PPP1R3F: variants seen among roughly 807,000 people sequenced by gnomAD.
PPP1R3F encodes protein phosphatase 1, regulatory (inhibitor) subunit 3F.
In PPP1R3F, 29 loss-of-function variants were observed where a neutral mutation model predicts 24.2. The observed-to-expected ratio is 1.20, with a 90% CI of 0.89 to 1.63. PPP1R3F has a LOEUF of 1.63. Among genes scored for constraint, PPP1R3F ranks in the 40% most tolerant of loss-of-function variants. The pLI, the probability that PPP1R3F is intolerant of heterozygous loss-of-function variation, is 0.00. For synonymous variants in PPP1R3F, 363 were observed against 340.1 expected, an observed-to-expected ratio of 1.07 and a Z score of -0.74; for missense variants, 823 against 729.3, an observed-to-expected ratio of 1.13 and a Z score of -1.48.
chrX:49,271,709 G>A (rs1162071031), intron 1 of PPP1R3F, among the ~76,000 whole-genome samples: 1 of 113,146 alleles, frequency 8.8e-6, no homozygotes, highest in Non-Finnish European at 1.9e-5. Context: ...TGTTAACGCT[G>A]TAATCTACTT....
At chrX:49,276,505 C>G (rs1007252379) in intron 1 of PPP1R3F, among the ~76,000 whole-genome samples, 4 of 112,105 alleles carry the variant, frequency 3.6e-5, no homozygotes. Context: ...TTTCAACAAG[C>G]ATTAAAAAGA....
Position 49,286,547 on chromosome X carries a change from A to G in PPP1R3F, c.1857A>G (p.Pro619=), listed in dbSNP as rs781829759. ...VVATMGDVWL[P]WAEGSGCDGP... ...CCACGATGGGAGATGTGTGGCTCCC[A>G]TGGGCAGAGGGCTCAGGATGTGACG... The change falls in exon 4 of 4, where the codon CCA becomes CCG. Residue 619 remains proline, a synonymous_variant. Transcript: ENST00000055335. The G allele has an allele frequency of 6.6e-6, 8 of 1,211,532 alleles. No homozygotes were observed. The highest frequency in any genetic ancestry group is 1.7e-5 in the African/African-American group (1 of 57,863).
Position 49,270,115 on chromosome X carries a change from C to T in PPP1R3F, c.246C>T (p.Asp82=). The T allele has an allele frequency of 7.7e-6, 8 of 1,033,973 alleles. No homozygotes were observed. Among genetic ancestry groups the T allele is most frequent in the Admixed American group, 4.4e-5 (1 of 22,703 alleles). 85.2% of individuals were successfully genotyped at this position (1,033,973 alleles called of 1,213,427 possible). The change falls in exon 1 of 4, where the codon GAC becomes GAT. Residue 82 remains aspartate, a synonymous_variant. Coordinates refer to ENST00000055335, the MANE Select transcript of PPP1R3F (RefSeq NM_033215.5). ...DGGGGGGADE[D]DDGEDGDEGE... ...GCGGCGGCGGCGGGGCCGACGAGGA[C>T]GACGATGGCGAGGATGGGGATGAAG... is the stretch of plus-strand genomic sequence containing the variant.
chrX:49,276,582 C>T (rs2066214489), intron 1 of PPP1R3F, among the ~76,000 whole-genome samples: 1 of 112,592 alleles, frequency 8.9e-6, no homozygotes, highest in Admixed American at 9.3e-5. Flanking sequence ...TTGTTTCACT[C>T]GAAGAACAAC....
rs200780292 is a variant in PPP1R3F, at chrX:49,287,059, C to T, written c.2369C>T (p.Ala790Val). ...LNSGVSLLVL[A>V]LCLSLAWFS is the part of the protein sequence containing the mutation. ...AGCGGTGTGTCCCTCCTGGTGCTTG[C>T]GCTGTGCCTCTCTCTGGCTTGGTTC... is the stretch of plus-strand genomic sequence containing the variant. The change falls in exon 4 of 4, where the codon GCG becomes GTG. Residue 790 changes from alanine to valine, a missense_variant. By Grantham distance (64) the Ala-to-Val change is moderately conservative. Coordinates refer to ENST00000055335, the MANE Select transcript of PPP1R3F (RefSeq NM_033215.5). 22 of 1,209,938 alleles carry T rather than the reference C, an allele frequency of 1.8e-5. No individual in the cohort carries two copies. The highest frequency in any genetic ancestry group is 1.5e-4 in the East Asian group (5 of 33,794).
intron 1 of PPP1R3F, chrX:49,275,913 A>G (rs2066209870): frequency 8.9e-6 from 1 of 112,447 alleles, no homozygotes; most frequent in Admixed American, 9.4e-5. Context: ...CTATAACTGA[A>G]GGGATGGGGA....
At chrX:49,284,194 T>C (rs1197788626) in intron 3 of PPP1R3F, among the ~76,000 whole-genome samples, 1 of 111,682 alleles carries the variant, frequency 9.0e-6, no homozygotes, top group Non-Finnish European at 1.9e-5. Flanking sequence ...TAGGAGCTTA[T>C]TGAGATGGGC....
At chrX:49,292,869 G>A, downstream of PPP1R3F, among the ~76,000 whole-genome samples, 1 of 112,078 alleles carries the variant, frequency 8.9e-6, no homozygotes, top group Middle Eastern at 4.6e-3. Flanking sequence ...GGGGATGCTC[G>A]TGAATGGAGG....
chrX:49,296,654 T>G (rs1557122863), intron 3 of PPP1R3F, among the ~76,000 whole-genome samples: 2 of 112,226 alleles, frequency 1.8e-5, no homozygotes, highest in Admixed American at 9.5e-5. Flanking sequence ...TGTGGGCGTT[T>G]AGTGCTATAA....
intron 3 of PPP1R3F, among the ~76,000 whole-genome samples, chrX:49,284,912 T>C (rs1557121152): frequency 8.9e-6 from 1 of 111,749 alleles, no homozygotes; most frequent in Non-Finnish European, 1.9e-5. Flanking sequence ...GCTACTAGAT[T>C]GGTCATTGTT....
rs782589899 is a variant in PPP1R3F at position 49,270,769 on chromosome X, C to CCAG, written c.911_913dup (p.Gln304dup). 3.3e-6 allele frequency: 4 copies of CCAG among 1,198,098 alleles called. No homozygotes were observed. Among genetic ancestry groups the CCAG allele is most frequent in the Non-Finnish European group, 3.4e-6 (3 of 888,762 alleles). On this transcript the variant is annotated inframe_insertion, in exon 1 of 4. Coordinates refer to ENST00000055335, the MANE Select transcript of PPP1R3F (RefSeq NM_033215.5). ...CACCCACTGATGCCGAAGGGCTGCC[C>CCAG]CAGCAGCAGCAGCTGCCGCAGCTGG...
At chrX:49,292,324 C>T (rs1234077274), downstream of PPP1R3F, among the ~76,000 whole-genome samples, 4 of 112,611 alleles carry the variant, frequency 3.6e-5, no homozygotes, top group African/African-American at 9.7e-5. Context: ...ATTTCCATCA[C>T]TAAAGAGAGG....
intron 1 of PPP1R3F, among the ~76,000 whole-genome samples, chrX:49,272,898 G>T (rs1178330114): frequency 1.8e-5 from 2 of 108,121 alleles, no homozygotes; most frequent in Non-Finnish European, 3.9e-5. Context: ...GACAGGGCCA[G>T]GGAAGAAATG....
chrX:49,295,472 A>C (rs1469592145), intron 3 of PPP1R3F, among the ~76,000 whole-genome samples: 1 of 111,971 alleles, frequency 8.9e-6, no homozygotes, highest in Non-Finnish European at 1.9e-5. Context: ...ATATTGTGTC[A>C]GTTTTGCATC....
downstream of PPP1R3F, among the ~76,000 whole-genome samples, chrX:49,289,630 T>G (rs1328528246): frequency 9.0e-6 from 1 of 111,486 alleles, no homozygotes; most frequent in African/African-American, 3.3e-5. Flanking sequence ...AGGGGCTGAT[T>G]ACCAGAGTCA....
chrX:49,287,054 G>T lies in PPP1R3F; in HGVS notation c.2364G>T (p.Val788=). The T allele has an allele frequency of 8.3e-7, 1 of 1,211,483 alleles. No homozygotes were observed. The part of the protein sequence containing the change: ...VALNSGVSLL[V]LALCLSLAWF... ...TGAACAGCGGTGTGTCCCTCCTGGT[G>T]CTTGCGCTGTGCCTCTCTCTGGCTT... The change falls in exon 4 of 4, where the codon GTG becomes GTT. Residue 788 remains valine, a synonymous_variant. Transcript: ENST00000055335.
At chrX:49,274,400 C>T (rs1265136836) in intron 1 of PPP1R3F, 1 of 112,375 alleles carries the variant, frequency 8.9e-6, no homozygotes, top group Non-Finnish European at 1.9e-5. Flanking sequence ...TTTCTGAGCT[C>T]CTGTCACCAT....
In PPP1R3F at chrX:49,287,048, C is replaced by T; in HGVS notation, c.2358C>T (p.Leu786=). The T allele has an allele frequency of 8.3e-7, 1 of 1,211,540 alleles. No individual in the cohort carries two copies. Among genetic ancestry groups the T allele is most frequent in the Non-Finnish European group, 1.1e-6 (1 of 895,616 alleles). Residue 786 remains leucine, a synonymous_variant, in exon 4 of 4, where the codon CTC becomes CTT. Transcript: ENST00000055335. ...TGGCTCTGAACAGCGGTGTGTCCCT[C>T]CTGGTGCTTGCGCTGTGCCTCTCTC... ...VPVALNSGVS[L]LVLALCLSLA...
downstream of PPP1R3F, among the ~76,000 whole-genome samples, chrX:49,291,488 C>T (rs868909735): frequency 1.5e-3 from 164 of 107,905 alleles, no homozygotes; most frequent in African/African-American, 5.1e-3. Flanking sequence ...CCACCATGCC[C>T]GACTAGTTTT....
Sources: gnomAD v4.1 joint callset for allele counts (sites outside exome capture counted in the v4.1 genomes callset) on GRCh38, gnomAD v4.1.1 for gene constraint, MANE v1.5 for transcripts, NCBI Gene and HGNC (gene_info 2026-07-23, HGNC 2026-07-21) for gene names.